ZNF577: variants seen among roughly 807,000 people sequenced by gnomAD.
ZNF577 encodes zinc finger protein 577.
A neutral mutation model predicts 13.9 loss-of-function variants in ZNF577; 14 were observed. The observed-to-expected ratio is 1.00, with a 90% CI of 0.66 to 1.57. The LOEUF is 1.57. Among genes scored for constraint, ZNF577 ranks in the 40% most tolerant of loss-of-function variants. The pLI, the probability that ZNF577 is intolerant of heterozygous loss-of-function variation, is 0.00. For missense variants in ZNF577, 555 were observed against 579.2 expected (o/e 0.96, Z 0.43); for synonymous variants, 203 against 202.9 (o/e 1.00, Z 0.00).
intron 1 of ZNF577, among the ~76,000 whole-genome samples, chr19:51,881,661 T>G (rs909336645): frequency 6.6e-6 from 1 of 152,130 alleles, no homozygotes; most frequent in African/African-American, 2.4e-5. Context: ...CTACCCACTT[T>G]TAGAACTTTA....
chr19:51,859,545 G>C (rs1402567783), intron 5 of ZNF577, among the ~76,000 whole-genome samples: 1 of 151,962 alleles, frequency 6.6e-6, no homozygotes, highest in African/African-American at 2.4e-5. Flanking sequence ...ATGTGTTGCT[G>C]GTTTTTAAAT....
intron 8 of ZNF577, among the ~76,000 whole-genome samples, chr19:51,841,642 G>A (rs1275264396): frequency 3.9e-5 from 6 of 152,154 alleles, no homozygotes; most frequent in Admixed American, 1.3e-4. Context: ...TATTAGGCCC[G>A]ATGCGGTGGC....
At chr19:51,831,228 G>A (rs1289507327) in intron 9 of ZNF577, among the ~76,000 whole-genome samples, 1 of 152,058 alleles carries the variant, frequency 6.6e-6, no homozygotes. Context: ...CAATTATCCT[G>A]CTTCAGCCTC....
At chr19:51,882,291 T>C (rs773010288) in intron 1 of ZNF577, among the ~76,000 whole-genome samples, 2 of 151,846 alleles carry the variant, frequency 1.3e-5, no homozygotes, top group Admixed American at 1.3e-4. Flanking sequence ...TTGCACCAAA[T>C]ACTCACGCGG....
At chr19:51,822,230 T>C (rs142515499) in intron 9 of ZNF577, among the ~76,000 whole-genome samples, 1 of 152,190 alleles carries the variant, frequency 6.6e-6, no homozygotes, top group African/African-American at 2.4e-5. Context: ...TGCCAGGATA[T>C]CCTCCCATAG....
chr19:51,878,463 T>A lies in ZNF577; in HGVS notation c.113A>T (p.Gln38Leu), dbSNP rs749016922. Residue 38 changes from glutamine to leucine, a missense_variant, in exon 4 of 6, where the codon CAG becomes CTG. Transcript: ENST00000638348. ...GACCTTCTGAGACTGGTCCAAAAAC[T>A]GCCACTCCTCCCTGGTGAAGCCCAC... ...VAVGFTREEW[Q>L]FLDQSQKVLY... 32 of 1,614,014 alleles carry A rather than the reference T, an allele frequency of 2.0e-5. 1 individual carries two copies. Among genetic ancestry groups the A allele is most frequent in the Non-Finnish European group, 1.7e-5 (20 of 1,180,020 alleles).
At chr19:51,843,761 C>T (rs186311647) in intron 6 of ZNF577, among the ~76,000 whole-genome samples, 1 of 152,254 alleles carries the variant, frequency 6.6e-6, no homozygotes. Context: ...GAAGTATGCT[C>T]AAGCTAATAT....
intron 5 of ZNF577, among the ~76,000 whole-genome samples, chr19:51,875,833 G>A (rs1292444680): frequency 2.0e-5 from 3 of 152,326 alleles, no homozygotes; most frequent in East Asian, 1.9e-4. Context: ...CAATGGAGGC[G>A]ATAAGAACCT....
chr19:51,816,869 C>A (rs181274090), intron 9 of ZNF577, among the ~76,000 whole-genome samples: 1 of 152,320 alleles, frequency 6.6e-6, no homozygotes, highest in South Asian at 2.1e-4. Context: ...AAAGCCCACA[C>A]ATATGCTGTT....
chr19:51,806,843 T>C (rs1406900209), intron 10 of ZNF577, among the ~76,000 whole-genome samples: 1 of 152,254 alleles, frequency 6.6e-6, no homozygotes, highest in Non-Finnish European at 1.5e-5. Flanking sequence ...TACTTTTAAC[T>C]GTAGCAGTTT....
chr19:51,829,185 ATATCC>A (rs1284432552), intron 9 of ZNF577, among the ~76,000 whole-genome samples: 2 of 152,124 alleles, frequency 1.3e-5, no homozygotes, highest in Non-Finnish European at 2.9e-5. Flanking sequence ...TCTGAGACTG[ATATCC>A]AGTGAAAAAG....
intron 9 of ZNF577, among the ~76,000 whole-genome samples, chr19:51,837,568 T>A (rs893944504): frequency 2.6e-5 from 4 of 152,208 alleles, no homozygotes; most frequent in African/African-American, 9.7e-5. Flanking sequence ...ACAACATGAA[T>A]GCATCTCAAA....
chr19:51,884,901 T>C (rs577257042), intron 1 of ZNF577, among the ~76,000 whole-genome samples: 8 of 152,360 alleles, frequency 5.3e-5, no homozygotes, highest in African/African-American at 9.6e-5. Flanking sequence ...TCTGAATTGA[T>C]AGTTCCAAAA....
At chr19:51,857,275 G>T (rs771116411) in intron 5 of ZNF577, among the ~76,000 whole-genome samples, 1 of 151,222 alleles carries the variant, frequency 6.6e-6, no homozygotes, top group African/African-American at 2.4e-5. Flanking sequence ...TTTCAGCCTG[G>T]CGACAAAGCG....
At chr19:51,827,051 C>T (rs1216137956) in intron 9 of ZNF577, among the ~76,000 whole-genome samples, 3 of 152,090 alleles carry the variant, frequency 2.0e-5, no homozygotes, top group Admixed American at 6.6e-5. Flanking sequence ...GGCCACATGA[C>T]GTCTGGCAAT....
At chr19:51,804,924 G>A (rs1225298009) in exon 11 of ZNF577, 1 of 152,328 alleles carries the variant, frequency 6.6e-6, no homozygotes. Context: ...GGGGGTGGAA[G>A]AAGAGGTCAG....
chr19:51,875,850 C>A lies in ZNF577; in HGVS notation c.283+1432G>T, dbSNP rs551181578. Reference sequence around the variant, plus strand: ...ATGGAGGCGATAAGAACCTCTACTACCATGGCCTACTGTGAAGTGGGACTT... The same window carrying A: ...ATGGAGGCGATAAGAACCTCTACTAACATGGCCTACTGTGAAGTGGGACTT... On this transcript the variant is annotated intron_variant, in intron 5 of 5. Coordinates refer to ENST00000638348, the MANE Select transcript of ZNF577 (RefSeq NM_001370449.1). Among the ~76,000 whole-genome samples the A allele has an allele frequency of 6.3e-4, 96 of 152,336 alleles. 1 individual carries two copies. The highest frequency in any genetic ancestry group is 2.2e-3 in the African/African-American group (93 of 41,580).
At chr19:51,815,694 C>A (rs2084130302) in intron 9 of ZNF577, among the ~76,000 whole-genome samples, 1 of 151,240 alleles carries the variant, frequency 6.6e-6, no homozygotes, top group Non-Finnish European at 1.5e-5. Flanking sequence ...CATGGCGAAA[C>A]CCTGTTTGTA....
chr19:51,825,600 G>C (rs1024244218), intron 9 of ZNF577: 1 of 167,114 alleles, frequency 6.0e-6, no homozygotes, highest in African/African-American at 2.4e-5. Flanking sequence ...TTCTGAAGCA[G>C]AAACCATGGG....
Sources: gnomAD v4.1 joint callset for allele counts (sites outside exome capture counted in the v4.1 genomes callset) on GRCh38, gnomAD v4.1.1 for gene constraint, MANE v1.5 for transcripts, NCBI Gene and HGNC (gene_info 2026-07-23, HGNC 2026-07-21) for gene names.